MACROD2: variants seen among roughly 807,000 people sequenced by gnomAD.
MACROD2 encodes ADP-ribose glycohydrolase MACROD2.
A neutral mutation model predicts 70.4 loss-of-function variants in MACROD2; 36 were observed. The observed-to-expected ratio is 0.51, with a 90% CI of 0.39 to 0.68. MACROD2 has a LOEUF of 0.68. MACROD2 is among the 30% of genes least tolerant of loss of function. MACROD2 has a pLI of 0.00. For missense variants in MACROD2, 496 were observed against 538.4 expected (o/e 0.92, Z 0.78); for synonymous variants, 172 against 178.8 (o/e 0.96, Z 0.30).
intron 5 of MACROD2, among the ~76,000 whole-genome samples, chr20:15,074,407 C>G (rs769100697): frequency 2.0e-5 from 3 of 152,180 alleles, no homozygotes; most frequent in East Asian, 1.9e-4. Flanking sequence ...AGGGTACCCC[C>G]CTGGAAGGGG....
intron 8 of MACROD2, among the ~76,000 whole-genome samples, chr20:15,573,340 A>G (rs2048400361): frequency 6.6e-6 from 1 of 152,198 alleles, no homozygotes; most frequent in Non-Finnish European, 1.5e-5. Flanking sequence ...TCCCCTGAGA[A>G]TAAAAGCAAG....
chr20:15,006,044 A>G (rs2075033224), intron 5 of MACROD2, among the ~76,000 whole-genome samples: 1 of 151,798 alleles, frequency 6.6e-6, no homozygotes, highest in South Asian at 2.1e-4. Context: ...TGCATTCTTG[A>G]GTGACTGTTG....
intron 2 of MACROD2, among the ~76,000 whole-genome samples, chr20:14,019,739 G>T (rs958006364): frequency 8.5e-5 from 13 of 152,070 alleles, no homozygotes; most frequent in Non-Finnish European, 1.8e-4. Flanking sequence ...CCATCTTGTT[G>T]TGAGAAATGC....
intron 6 of MACROD2, among the ~76,000 whole-genome samples, chr20:15,306,559 T>G (rs967541218): frequency 6.6e-6 from 1 of 152,120 alleles, no homozygotes; most frequent in Non-Finnish European, 1.5e-5. Flanking sequence ...GAAGCTATGC[T>G]CTTAACTTTG....
chr20:14,929,133 A>G (rs535679700), intron 5 of MACROD2, among the ~76,000 whole-genome samples: 2 of 152,318 alleles, frequency 1.3e-5, no homozygotes, highest in African/African-American at 4.8e-5. Flanking sequence ...TTTTCTACAC[A>G]TTACAATTCT....
chr20:14,890,104 A>T (rs1226658302), intron 5 of MACROD2, among the ~76,000 whole-genome samples: 1 of 152,156 alleles, frequency 6.6e-6, no homozygotes, highest in Non-Finnish European at 1.5e-5. Flanking sequence ...AATCGCTTCC[A>T]GCTGTTATGG....
At chr20:15,845,931 C>T (rs1179593050) in intron 8 of MACROD2, among the ~76,000 whole-genome samples, 1 of 152,152 alleles carries the variant, frequency 6.6e-6, no homozygotes, top group Non-Finnish European at 1.5e-5. Flanking sequence ...TCTCTTGATC[C>T]GAACCTCCTC....
intron 3 of MACROD2, among the ~76,000 whole-genome samples, chr20:14,416,331 A>G (rs1411081386): frequency 6.6e-6 from 1 of 152,170 alleles, no homozygotes; most frequent in African/African-American, 2.4e-5. Flanking sequence ...TTGTCTTCAC[A>G]TTCTGCTGTT....
intron 6 of MACROD2, among the ~76,000 whole-genome samples, chr20:15,260,106 C>T (rs1399406025): frequency 1.3e-5 from 2 of 151,602 alleles, no homozygotes; most frequent in Admixed American, 1.3e-4. Context: ...TATCCAATTA[C>T]CTTCAGCAAT....
At chr20:15,130,300 C>T (rs754193701) in intron 5 of MACROD2, among the ~76,000 whole-genome samples, 7 of 151,888 alleles carry the variant, frequency 4.6e-5, no homozygotes, top group Non-Finnish European at 5.9e-5. Flanking sequence ...AAAAAACTCC[C>T]GATCGTCAAT....
intron 3 of MACROD2, among the ~76,000 whole-genome samples, chr20:14,265,534 G>GT (rs1411783806): frequency 9.2e-5 from 14 of 151,806 alleles, no homozygotes; most frequent in Middle Eastern, 3.4e-3. Context: ...TTTTACAATA[G>GT]TTTTTTTCAC....
chr20:15,824,831 C>A (rs1411896544), intron 8 of MACROD2, among the ~76,000 whole-genome samples: 1 of 152,194 alleles, frequency 6.6e-6, no homozygotes, highest in Non-Finnish European at 1.5e-5. Flanking sequence ...ACTATATCCA[C>A]CACTCAACCA....
intron 12 of MACROD2, among the ~76,000 whole-genome samples, chr20:15,962,581 G>T (rs1013067090): frequency 4.6e-5 from 7 of 152,148 alleles, no homozygotes; most frequent in African/African-American, 1.7e-4. Context: ...TGTGCATTAT[G>T]GTAGTTTTCC....
At chr20:15,176,979 C>T (rs1465717662) in intron 5 of MACROD2, among the ~76,000 whole-genome samples, 1 of 152,174 alleles carries the variant, frequency 6.6e-6, no homozygotes, top group East Asian at 1.9e-4. Flanking sequence ...ACATCTGGTC[C>T]AGTTACAGCC....
intron 3 of MACROD2, among the ~76,000 whole-genome samples, chr20:14,479,390 T>A (rs1380573886): frequency 6.6e-6 from 1 of 152,144 alleles, no homozygotes; most frequent in African/African-American, 2.4e-5. Flanking sequence ...TCCTGCTGGT[T>A]CATCAGCTTA....
In MACROD2 at chr20:15,922,415, T is replaced by A. The variant is rs143620016; in HGVS notation, c.776-10861T>A. ...TACAACCAATATGAAAATCGTTCCT[T>A]AGATATTTTACATTTTTTCACACTA... On this transcript the variant is annotated intron_variant, in intron 10 of 17. Transcript: ENST00000684519. 2.6e-5 allele frequency among the ~76,000 whole-genome samples: 4 copies of A among 152,344 alleles called. No individual in the cohort carries two copies. In the East Asian group the frequency reaches 7.7e-4, roughly 29 times the overall value.
intron 6 of MACROD2, among the ~76,000 whole-genome samples, chr20:15,300,394 T>G (rs920494642): frequency 6.6e-6 from 1 of 152,068 alleles, no homozygotes; most frequent in Non-Finnish European, 1.5e-5. Flanking sequence ...TGGCCTGGGT[T>G]TGGGGATTTT....
At chr20:14,859,867 G>A (rs1226968851) in intron 5 of MACROD2, among the ~76,000 whole-genome samples, 1 of 152,058 alleles carries the variant, frequency 6.6e-6, no homozygotes, top group Non-Finnish European at 1.5e-5. Flanking sequence ...TAGGAGAAAA[G>A]ACAGTAGAAT....
chr20:14,515,467 A>G (rs398341), intron 4 of MACROD2, among the ~76,000 whole-genome samples: 14,335 of 113,956 alleles, frequency 0.13, 863 homozygotes, highest in African/African-American at 0.21. Context: ...ACACACACGC[A>G]CACACACACA....
Sources: allele counts gnomAD v4.1 joint callset (sites outside exome capture counted in the v4.1 genomes callset), GRCh38; gene constraint gnomAD v4.1.1; transcripts MANE v1.5; gene names NCBI Gene and HGNC (gene_info 2026-07-23, HGNC 2026-07-21).